TG: variants seen among roughly 807,000 people sequenced by gnomAD.
The protein encoded by TG is thyroid hormones.
A neutral mutation model predicts 324.7 loss-of-function variants in TG; 270 were observed. The observed-to-expected ratio is 0.83, with a 90% CI of 0.75 to 0.92. The LOEUF (loss-of-function observed/expected upper bound fraction) is 0.92, where lower values mean the gene tolerates loss of function less well. TG is among the 40% of genes least tolerant of loss of function. The probability of loss-of-function intolerance (pLI) is 0.00; values close to 1 mark genes in which losing one functional copy is unlikely to be tolerated. For synonymous variants in TG, 1,401 were observed against 1,327.0 expected (o/e 1.06, Z -1.21); for missense variants, 3,591 against 3,456.4 (o/e 1.04, Z -0.98).
chr8:132,956,947 CAA>C, intron 27 of TG, among the ~76,000 whole-genome samples: 1 of 152,088 alleles, frequency 6.6e-6, no homozygotes, highest in Non-Finnish European at 1.5e-5. Context: ...GAGAAGGAGT[CAA>C]GGACGACCCA....
chr8:132,882,810 C>T lies in TG; in HGVS notation c.890-4C>T, dbSNP rs1463476620. ...GTCTTCTTTACTGTGTGGATTTCCT[C>T]TAGGCCCCACAAAATGTGAAGTGGA... On this transcript the variant is annotated splice_region_variant and splice_polypyrimidine_tract_variant and intron_variant, in intron 7 of 47. Transcript: ENST00000220616. 2 of 1,614,216 alleles carry T rather than the reference C, an allele frequency of 1.2e-6. No homozygotes were observed. The highest frequency in any genetic ancestry group is 1.1e-5 in the South Asian group (1 of 91,082).
At position 132,906,763 on chromosome 8, in the gene TG, C is replaced by G. The variant is rs779324624; in HGVS notation, c.3710C>G (p.Pro1237Arg). The G allele has an allele frequency of 6.2e-7, 1 of 1,614,226 alleles. No homozygotes were observed. Among genetic ancestry groups the G allele is most frequent in the South Asian group, 1.1e-5 (1 of 91,082 alleles). ...GTILCETISG[P>R]TGSAMQQCQL... is the part of the protein sequence containing the mutation. ...ATCCTGTGTGAGACAATCTCGGGCC[C>G]CACAGGCTCTGCCATGCAGCAGTGC... is the stretch of plus-strand genomic sequence containing the variant. Residue 1237 changes from proline (P) to arginine (R), a missense_variant, in exon 17 of 48, where the codon CCC (proline) becomes CGC (arginine). Transcript: ENST00000220616.
At chr8:132,947,865 A>C (rs979408093) in intron 26 of TG, among the ~76,000 whole-genome samples, 1 of 152,234 alleles carries the variant, frequency 6.6e-6, no homozygotes, top group Non-Finnish European at 1.5e-5. Context: ...GCAGATATAA[A>C]AAAACGTGTG....
rs150198403 is a variant in TG, at chr8:132,901,342, C to T, written c.3434-11C>T. 2 of 1,614,032 alleles carry T rather than the reference C, an allele frequency of 1.2e-6. No homozygotes were observed. The highest frequency in any genetic ancestry group is 2.7e-5 in the African/African-American group (2 of 75,066). ...TGATTCCCCAGCCCATCTGGCTTGT[C>T]TCTGTGTCAGGCCCAAGCCTCTGCA... On this transcript the variant is annotated splice_polypyrimidine_tract_variant and intron_variant, in intron 15 of 47. Coordinates refer to ENST00000220616, the MANE Select transcript of TG (RefSeq NM_003235.5).
chr8:132,925,709 A>G (rs1006141418), intron 22 of TG, among the ~76,000 whole-genome samples: 2 of 152,296 alleles, frequency 1.3e-5, no homozygotes, highest in Non-Finnish European at 2.9e-5. Context: ...TTTACAGAAT[A>G]CAACTTGCCC....
At chr8:132,867,276 C>G (rs1053473554) in intron 1 of TG, among the ~76,000 whole-genome samples, 1 of 151,974 alleles carries the variant, frequency 6.6e-6, no homozygotes, top group African/African-American at 2.4e-5. Context: ...ATTGATGGAG[C>G]AGAAATGGGA....
chr8:133,040,881 C>T (rs116230360), intron 41 of TG, among the ~76,000 whole-genome samples: 2 of 152,304 alleles, frequency 1.3e-5, no homozygotes, highest in East Asian at 1.9e-4. Context: ...TAGAAGCTCA[C>T]GCACAAAAAG....
At chr8:132,891,321 G>A (rs537047941) in intron 10 of TG, among the ~76,000 whole-genome samples, 5 of 152,024 alleles carry the variant, frequency 3.3e-5, no homozygotes, top group Non-Finnish European at 5.9e-5. Context: ...AAGAAGAGGC[G>A]GATAGTAAAT....
chr8:132,899,698 C>T (rs1278570377), intron 14 of TG, among the ~76,000 whole-genome samples: 1 of 152,202 alleles, frequency 6.6e-6, no homozygotes, highest in Non-Finnish European at 1.5e-5. Context: ...AATTCTGCTT[C>T]TCCTTCCTGG....
chr8:133,001,643 C>A, intron 35 of TG: 1 of 581,510 alleles, frequency 1.7e-6, no homozygotes, highest in Non-Finnish European at 2.2e-6. Flanking sequence ...AGCAGGATGT[C>A]TCAATGCAAT....
intron 5 of TG, among the ~76,000 whole-genome samples, chr8:132,873,714 A>G (rs148903117): frequency 6.6e-6 from 1 of 152,340 alleles, no homozygotes; most frequent in African/African-American, 2.4e-5. Flanking sequence ...TTAAATTTTT[A>G]AAGAACAAAT....
At chr8:132,931,921 A>AG (rs1403023715) in intron 23 of TG, among the ~76,000 whole-genome samples, 4 of 151,980 alleles carry the variant, frequency 2.6e-5, no homozygotes, top group African/African-American at 9.7e-5. Context: ...CTACAAAAAA[A>AG]TAAAAATAAT....
At chr8:133,045,543 C>T (rs886752806) in intron 41 of TG, among the ~76,000 whole-genome samples, 2 of 151,862 alleles carry the variant, frequency 1.3e-5, no homozygotes, top group Non-Finnish European at 2.9e-5. Flanking sequence ...TACAGGCATG[C>T]GCCACCACGC....
At chr8:132,911,946 G>A (rs1294976798) in intron 19 of TG, among the ~76,000 whole-genome samples, 1 of 152,194 alleles carries the variant, frequency 6.6e-6, no homozygotes, top group Non-Finnish European at 1.5e-5. Context: ...TGAGTCAACA[G>A]AGGAGAGAGA....
At chr8:133,058,333 G>C (rs762790358) in intron 41 of TG, among the ~76,000 whole-genome samples, 20 of 152,210 alleles carry the variant, frequency 1.3e-4, no homozygotes, top group Non-Finnish European at 2.5e-4. Flanking sequence ...TCTTCACCAG[G>C]GGGTGGAGGG....
intron 27 of TG, among the ~76,000 whole-genome samples, chr8:132,957,171 A>C (rs1393023406): frequency 6.6e-6 from 1 of 152,192 alleles, no homozygotes; most frequent in Non-Finnish European, 1.5e-5. Flanking sequence ...TGATTGACAA[A>C]GGTGCTTCCC....
At chr8:132,876,889 ACACT>A (rs1813883573) in intron 5 of TG, among the ~76,000 whole-genome samples, 2 of 152,234 alleles carry the variant, frequency 1.3e-5, no homozygotes, top group Admixed American at 1.3e-4. Context: ...ATGACTAAAC[ACACT>A]CAAACTTCTT....
In TG at chr8:133,063,072, A is replaced by C. The variant is rs570575440; in HGVS notation, c.7240-31972A>C. Among the ~76,000 whole-genome samples the C allele has an allele frequency of 2.2e-3, 331 of 152,286 alleles. 2 individuals carry two copies. The highest frequency in any genetic ancestry group is 6.6e-3 in the African/African-American group (274 of 41,542). On this transcript the variant is annotated intron_variant, in intron 41 of 47. Transcript: ENST00000220616. ...TCTGGGGAAAGTTCTCAACATGCAG[A>C]ACTAACTCTGAAACCACATGTGTGC...
intron 5 of TG, among the ~76,000 whole-genome samples, chr8:132,881,338 T>C (rs1485846280): frequency 1.3e-5 from 2 of 152,188 alleles, no homozygotes; most frequent in Non-Finnish European, 2.9e-5. Context: ...TTTTCAACTA[T>C]GGGACTGGAT....
Sources: allele counts gnomAD v4.1 joint callset (sites outside exome capture counted in the v4.1 genomes callset), GRCh38; gene constraint gnomAD v4.1.1; transcripts MANE v1.5; gene names NCBI Gene and HGNC (gene_info 2026-07-23, HGNC 2026-07-21).